Variants in FKBP11 observed in about 807,000 individuals in gnomAD.
FKBP11 encodes the protein peptidyl-prolyl cis-trans isomerase FKBP11.
Under a neutral mutation model 24.7 loss-of-function variants are expected in FKBP11, and 21 were observed. That is an observed-to-expected ratio of 0.85 (90% confidence interval 0.60 to 1.23). FKBP11 has a LOEUF of 1.23. Ranked by LOEUF, FKBP11 falls within the 50% of genes most tolerant of loss-of-function variation. FKBP11 has a pLI of 0.00. For synonymous variants in FKBP11, 106 were observed against 100.6 expected (o/e 1.05, Z -0.32); for missense variants, 245 against 248.7 (o/e 0.99, Z 0.10).
upstream of FKBP11, chr12:48,926,224 C>CTTTTTTTTTTTTTTT (rs34896547): frequency 1.2e-5 from 1 of 85,788 alleles, no homozygotes; most frequent in Non-Finnish European, 2.1e-5. Context: ...AAAGACTTCA[C>CTTTTTTTTTTTTTTT]TTTTTTTTTT....
intron 2 of FKBP11, 57 bp from the exon 3 acceptor site, chr12:48,924,705 G>A (rs1223722291): frequency 1.3e-6 from 2 of 1,592,516 alleles, no homozygotes; most frequent in African/African-American, 1.3e-5. Flanking sequence ...CCCAGCAGGC[G>A]CGCAACACAC....
In FKBP11 at chr12:48,924,221, A is replaced by G. The variant is rs1269768968; in HGVS notation, c.317+2T>C. ...CAGGCCCACCCCTGCCGAGATACTC[A>G]CCCCACACACATGTCGAGAAGACTC... On this transcript the variant is annotated splice_donor_variant, in intron 4 of 5. Transcript: ENST00000550765. LOFTEE classifies it high-confidence loss of function. 14 of 1,613,884 alleles carry G rather than the reference A, an allele frequency of 8.7e-6. No homozygotes were observed. In the South Asian group the frequency reaches 1.3e-4, roughly 15 times the overall value.
At chr12:48,930,071 G>A (rs899637186), upstream of FKBP11, among the ~76,000 whole-genome samples, 1 of 152,192 alleles carries the variant, frequency 6.6e-6, no homozygotes, top group Admixed American at 6.5e-5. Context: ...AATCATGTCT[G>A]GAGCTAAGTA....
At chr12:48,924,087 C>G in intron 4 of FKBP11, 136 bp downstream of exon 4, 3 of 1,068,326 alleles carry the variant, frequency 2.8e-6, no homozygotes, top group Non-Finnish European at 4.3e-6. Context: ...CCTCAGAGGT[C>G]CCACTGACCT....
At position 48,924,256 on chromosome 12, in the gene FKBP11, C is replaced by G. The variant is rs768852899; in HGVS notation, c.284G>C (p.Gly95Ala). 6.2e-7 allele frequency: 1 copy of G among 1,614,184 alleles called. No individual in the cohort carries two copies. The highest frequency in any genetic ancestry group is 1.1e-5 in the South Asian group (1 of 91,082). ...IELGQKQVIP[G>A]LEQSLLDMCV... ...CATGTCGAGAAGACTCTGCTCCAGA[C>G]CTTGAAGAAGAAGACACAACTGAAC... The change falls in exon 4 of 6, where the codon GGT (glycine) becomes GCT (alanine). Residue 95 changes from glycine to alanine, a missense_variant and splice_region_variant. Coordinates refer to ENST00000550765, the MANE Select transcript of FKBP11 (RefSeq NM_016594.3).
At chr12:48,923,239 T>TA in intron 5 of FKBP11, 1 of 1,328,908 alleles carries the variant, frequency 7.5e-7, no homozygotes, top group Non-Finnish European at 9.7e-7. Context: ...AAGCAAAAGA[T>TA]ATGCATCTTG....
At chr12:48,931,078 G>A (rs993545108), upstream of FKBP11, among the ~76,000 whole-genome samples, 3 of 137,194 alleles carry the variant, frequency 2.2e-5, no homozygotes, top group Non-Finnish European at 3.0e-5. Context: ...GCAGTGAGCC[G>A]AGATCGCGCC....
At chr12:48,923,906 C>T (rs1333565652) in intron 4 of FKBP11, 54 bp from the exon 5 acceptor site, 1 of 1,542,996 alleles carries the variant, frequency 6.5e-7, no homozygotes, top group East Asian at 2.2e-5. Flanking sequence ...GGCCAGCAGC[C>T]TCAGTCCAGC....
chr12:48,936,500 G>A, the FKBP11 span: 17 of 152,690 alleles, frequency 1.1e-4, no homozygotes, highest in African/African-American at 3.9e-4. Context: ...GCTGTTAAGT[G>A]AATGGGAATG....
intron 3 of FKBP11, 152 bp from the exon 4 acceptor site, chr12:48,924,408 A>G (rs928704701): frequency 4.3e-6 from 5 of 1,157,676 alleles, no homozygotes; most frequent in Non-Finnish European, 6.4e-6. Context: ...CAAGTGGAGT[A>G]CTAGAAGTGA....
At chr12:48,923,065 T>C in intron 5 of FKBP11, 1 of 844,280 alleles carries the variant, frequency 1.2e-6, no homozygotes, top group Non-Finnish European at 1.6e-6. Flanking sequence ...GGAGAATTGC[T>C]TGAACCCGGG....
At chr12:48,924,462 C>G in intron 3 of FKBP11, 99 bp downstream of exon 3, 1 of 1,247,702 alleles carries the variant, frequency 8.0e-7, no homozygotes, top group South Asian at 1.2e-5. Flanking sequence ...TAGGGTCTTA[C>G]TCATTTCAGG....
the FKBP11 span, among the ~76,000 whole-genome samples, chr12:48,933,198 C>G: frequency 2.6e-5 from 4 of 152,170 alleles, no homozygotes; most frequent in Admixed American, 6.5e-5. Context: ...AACCCTCTTC[C>G]CTTTTCTCAG....
rs1939929212 is a variant in FKBP11 at position 48,925,054 on chromosome 12, G to A, written c.187C>T (p.His63Tyr). ...PAAFGDTLHI[H>Y]YTGSLVDGRI... ...CCCCCCAGACCCCTCACCGTGTAGT[G>A]TATGTGAAGCGTGTCTCCAAAAGCA... The change falls in exon 2 of 6, where the codon CAC (histidine) becomes TAC (tyrosine). Residue 63 changes from histidine to tyrosine, a missense_variant. Physicochemically the swap from His to Tyr is moderately conservative, Grantham distance 83 (BLOSUM62 2). Coordinates refer to ENST00000550765, the MANE Select transcript of FKBP11 (RefSeq NM_016594.3). 6.2e-7 allele frequency: 1 copy of A among 1,609,264 alleles called. No individual in the cohort carries two copies.
At chr12:48,932,227 T>TTATATTTA in the FKBP11 span, among the ~76,000 whole-genome samples, 78 of 37,652 alleles carry the variant, frequency 2.1e-3, 1 homozygote, top group South Asian at 3.7e-3. Context: ...AAACATATAT[T>TTATATTTA]TATATATATA....
the FKBP11 span, among the ~76,000 whole-genome samples, chr12:48,935,018 CAAAAAAAAA>C: frequency 2.1e-4 from 18 of 87,514 alleles, no homozygotes; most frequent in African/African-American, 8.6e-4. Flanking sequence ...AATTCCGTCT[CAAAAAAAAA>C]AAAAAAAAAA....
the FKBP11 span, among the ~76,000 whole-genome samples, chr12:48,934,174 C>T: frequency 6.6e-6 from 1 of 152,192 alleles, no homozygotes; most frequent in Non-Finnish European, 1.5e-5. Flanking sequence ...TCCCCAGAGC[C>T]TTTAGACCTT....
At chr12:48,936,011 A>G in the FKBP11 span, 2 of 152,232 alleles carry the variant, frequency 1.3e-5, no homozygotes, top group African/African-American at 4.8e-5. Flanking sequence ...GCCGCGGGGT[A>G]TGATGGGAAG....
At chr12:48,923,106 C>G (rs1939872383) in intron 5 of FKBP11, 1 of 1,028,112 alleles carries the variant, frequency 9.7e-7, no homozygotes, top group African/African-American at 1.7e-5. Flanking sequence ...GAAGATTGCA[C>G]TATTGCACTC....
Sources: allele counts gnomAD v4.1 joint callset (sites outside exome capture counted in the v4.1 genomes callset), GRCh38; gene constraint gnomAD v4.1.1; transcripts MANE v1.5; gene names NCBI Gene and HGNC (gene_info 2026-07-23, HGNC 2026-07-21).